Variants in AKR1E2 observed in about 807,000 individuals in gnomAD.
AKR1E2 encodes 1,5-anhydro-D-fructose reductase.
In AKR1E2, 43 loss-of-function variants were observed where a neutral mutation model predicts 41.9. The observed-to-expected ratio is 1.03, with a 90% CI of 0.80 to 1.32. The LOEUF (loss-of-function observed/expected upper bound fraction) is 1.32. AKR1E2 is among the 40% of genes most tolerant of loss of function. The probability of loss-of-function intolerance (pLI) is 0.00; values close to 1 mark genes in which losing one functional copy is unlikely to be tolerated. For missense variants in AKR1E2, 423 were observed against 396.5 expected (o/e 1.07, Z -0.57); for synonymous variants, 121 against 138.9 (o/e 0.87, Z 0.91).
chr10:4,847,784 GA>G lies in AKR1E2; in HGVS notation c.*257del. The G allele has an allele frequency of 2.1e-6, 1 of 487,080 alleles. No individual in the cohort carries two copies. Among genetic ancestry groups the G allele is most frequent in the Non-Finnish European group, 3.6e-6 (1 of 277,978 alleles). 30.2% of individuals were successfully genotyped at this position (487,080 alleles called of 1,614,324 possible). A position where few individuals can be genotyped will look rare whatever the true frequency, so the allele number is the denominator to read the frequency against. Reference sequence around the variant, plus strand: ...ACAAATACACTGATGAGTCATCAGTGAAATTTGCCTTCACATTTTAAGAAAA... The same window carrying G: ...ACAAATACACTGATGAGTCATCAGTGAATTTGCCTTCACATTTTAAGAAAA... On this transcript the variant is annotated 3_prime_UTR_variant, in exon 10 of 10. Transcript: ENST00000298375.
rs749543572 is a variant in AKR1E2, at chr10:4,837,455, A to G, written c.460-4A>G. 2 of 1,613,942 alleles carry G rather than the reference A, an allele frequency of 1.2e-6. No homozygotes were observed. Among genetic ancestry groups the G allele is most frequent in the Admixed American group, 1.7e-5 (1 of 60,018 alleles). On this transcript the variant is annotated splice_polypyrimidine_tract_variant and splice_region_variant and intron_variant, in intron 4 of 9. Transcript: ENST00000298375. ...TCACACCCAGCAGAGTCGTTCTCTT[A>G]TAGGCCATGGAGGACCTGGTGATCA... is the stretch of plus-strand genomic sequence containing the variant.
intron 3 of AKR1E2, among the ~76,000 whole-genome samples, chr10:4,835,317 T>C (rs1020542215): frequency 2.6e-5 from 4 of 152,214 alleles, no homozygotes; most frequent in Non-Finnish European, 4.4e-5. Context: ...AGAGGGTTGA[T>C]TGGGCTCTAT....
the AKR1E2 span, among the ~76,000 whole-genome samples, chr10:4,872,471 A>G: frequency 6.6e-6 from 1 of 152,162 alleles, no homozygotes; most frequent in Non-Finnish European, 1.5e-5. Flanking sequence ...GGGTAGTTCC[A>G]TTTTAGCAAG....
the AKR1E2 span, among the ~76,000 whole-genome samples, chr10:4,856,889 C>G: frequency 6.6e-6 from 1 of 151,218 alleles, no homozygotes; most frequent in Middle Eastern, 3.2e-3. Context: ...CTCTACTGTT[C>G]GGTGGTATTA....
chr10:4,864,346 T>C, the AKR1E2 span, among the ~76,000 whole-genome samples: 3,544 of 152,036 alleles, frequency 0.023, 60 homozygotes, highest in East Asian at 0.07. Flanking sequence ...ATAAACAGAA[T>C]CGAAGACAAA....
At chr10:4,848,657 A>G (rs1202489441), downstream of AKR1E2, among the ~76,000 whole-genome samples, 2 of 152,160 alleles carry the variant, frequency 1.3e-5, no homozygotes, top group Non-Finnish European at 2.9e-5. Flanking sequence ...CTCCCTCTGC[A>G]TCAGGTTCAG....
At chr10:4,837,366 C>A (rs1376876861) in intron 4 of AKR1E2, 93 bp from the exon 5 acceptor site, 2 of 1,455,888 alleles carry the variant, frequency 1.4e-6, no homozygotes, top group Non-Finnish European at 1.8e-6. Flanking sequence ...TGGGTCCAAC[C>A]AGTTTTAGAA....
chr10:4,835,656 C>G lies in AKR1E2; in HGVS notation c.325-19C>G. The G allele has an allele frequency of 6.2e-7, 1 of 1,612,620 alleles. No individual in the cohort carries two copies. The highest frequency in any genetic ancestry group is 8.5e-7 in the Non-Finnish European group (1 of 1,179,594). On this transcript the variant is annotated intron_variant, in intron 3 of 9. Transcript: ENST00000298375. ...TGTTTTGTTTTGTTTTCACACATCT[C>G]AACTCTCCTTCTTCGCAGCCTCCTC...
In AKR1E2 at chr10:4,839,833, A is replaced by G; in HGVS notation, c.680+7A>G. 6.2e-7 allele frequency: 1 copy of G among 1,612,342 alleles called. No individual in the cohort carries two copies. The highest frequency in any genetic ancestry group is 8.5e-7 in the Non-Finnish European group (1 of 1,178,474). On this transcript the variant is annotated splice_region_variant and intron_variant, in intron 6 of 9. Transcript: ENST00000298375. ...GTCCTCTTGGTGGCTCGTGGTAAGGATACCTCAGTGGTGTGTTAGTCAGAG... is the reference window on the plus strand; with the variant it reads ...GTCCTCTTGGTGGCTCGTGGTAAGGGTACCTCAGTGGTGTGTTAGTCAGAG...
Position 4,835,732 on chromosome 10 carries a change from C to A in AKR1E2, c.382C>A (p.Pro128Thr). 1 of 1,614,202 alleles carries A rather than the reference C, an allele frequency of 6.2e-7. No homozygotes were observed. The highest frequency in any genetic ancestry group is 2.2e-5 in the East Asian group (1 of 44,886). ...TGAACTTTCCTTCTGCCTCTCACAT[C>A]CTCGAGTGCAGGACTTGCCTCTGGA... ...CSELSFCLSH[P>T]RVQDLPLDES... The change falls in exon 4 of 10, where the codon CCT becomes ACT. Residue 128 changes from proline to threonine, a missense_variant. Pro to Thr is a conservative substitution (Grantham distance 38, BLOSUM62 -1). Transcript: ENST00000298375.
At chr10:4,846,482 A>G (rs1360362472) in intron 8 of AKR1E2, among the ~76,000 whole-genome samples, 3 of 151,882 alleles carry the variant, frequency 2.0e-5, no homozygotes, top group Non-Finnish European at 4.4e-5. Context: ...TGGCAGGTGT[A>G]TGGAACAAAT....
intron 8 of AKR1E2, among the ~76,000 whole-genome samples, chr10:4,845,625 T>C (rs1834277773): frequency 6.6e-6 from 1 of 151,924 alleles, no homozygotes; most frequent in Non-Finnish European, 1.5e-5. Flanking sequence ...AGCCACCGAG[T>C]GAGCAGCTCA....
intron 7 of AKR1E2, 97 bp from the exon 8 acceptor site, chr10:4,842,324 G>T: frequency 9.6e-7 from 1 of 1,042,188 alleles, no homozygotes; most frequent in Non-Finnish European, 1.5e-6. Context: ...ATTGATTCTT[G>T]GACTCTTACT....
chr10:4,834,950 G>T (rs993969547), intron 3 of AKR1E2, among the ~76,000 whole-genome samples: 1 of 152,176 alleles, frequency 6.6e-6, no homozygotes, highest in African/African-American at 2.4e-5. Flanking sequence ...TGGCAACATG[G>T]GATGTGGCTT....
chr10:4,835,141 G>T (rs1188864933), intron 3 of AKR1E2, among the ~76,000 whole-genome samples: 2 of 152,186 alleles, frequency 1.3e-5, no homozygotes, highest in African/African-American at 2.4e-5. Context: ...GGAGGTAGCT[G>T]GATTGCACGT....
At chr10:4,865,451 T>C in the AKR1E2 span, among the ~76,000 whole-genome samples, 12 of 152,116 alleles carry the variant, frequency 7.9e-5, no homozygotes, top group African/African-American at 2.9e-4. Flanking sequence ...ATAGTAAACA[T>C]TGAAGCTAGC....
intron 8 of AKR1E2, among the ~76,000 whole-genome samples, chr10:4,843,151 C>T (rs117414072): frequency 1.9e-3 from 293 of 152,312 alleles, no homozygotes; most frequent in Non-Finnish European, 3.4e-3. Flanking sequence ...CTCTGTGTGG[C>T]TTCAACCCTG....
At chr10:4,870,869 G>C in the AKR1E2 span, among the ~76,000 whole-genome samples, 1 of 151,974 alleles carries the variant, frequency 6.6e-6, no homozygotes, top group African/African-American at 2.4e-5. Context: ...ATTTCTCTAA[G>C]CACTTTTCCA....
Position 4,845,895 on chromosome 10 carries a change from G to A in AKR1E2, c.838-1253G>A, listed in dbSNP as rs188433274. On this transcript the variant is annotated intron_variant, in intron 8 of 9. Transcript: ENST00000298375. The stretch of plus-strand genomic sequence containing the variant: ...ATGGCTGAGGACAGACAGCAGCGGC[G>A]GGTTAGGAGGGGCCGGAGGAAGTGC... 1,879 of 467,100 alleles carry A rather than the reference G, an allele frequency of 4.0e-3. 10 individuals carry two copies. The highest frequency in any genetic ancestry group is 4.7e-3 in the Non-Finnish European group (1,064 of 226,954). The allele number at this position is 467,100 out of a possible 1,614,324, so 28.9% of individuals were successfully genotyped here. A position where few individuals can be genotyped will look rare whatever the true frequency, so the allele number is the denominator to read the frequency against.
Sources: gnomAD v4.1 joint callset for allele counts (sites outside exome capture counted in the v4.1 genomes callset) on GRCh38, gnomAD v4.1.1 for gene constraint, MANE v1.5 for transcripts, NCBI Gene and HGNC (gene_info 2026-07-23, HGNC 2026-07-21) for gene names.